The following LHFPL2 variants were observed in gnomAD, a reference collection of about 807,000 sequenced individuals.
The protein encoded by LHFPL2 is LHFPL tetraspan subfamily member 2 protein.
Under a neutral mutation model 17.5 loss-of-function variants are expected in LHFPL2, and 7 were observed. The observed-to-expected ratio is 0.40, with a 90% confidence interval of 0.23 to 0.75. The LOEUF is 0.75. LHFPL2 is among the 30% of genes least tolerant of loss of function. The pLI, the probability that LHFPL2 is intolerant of heterozygous loss-of-function variation, is 0.37. For missense variants in LHFPL2, 241 were observed against 294.8 expected (o/e 0.82, Z 1.34); for synonymous variants, 134 against 116.2 (o/e 1.15, Z -0.99).
Position 78,488,844 on chromosome 5 carries a change from T to C in LHFPL2, c.*53A>G. 1.8e-5 allele frequency: 28 copies of C among 1,591,598 alleles called. No individual in the cohort carries two copies. The highest frequency in any genetic ancestry group is 2.4e-5 in the Non-Finnish European group (28 of 1,167,814). On this transcript the variant is annotated 3_prime_UTR_variant, in exon 5 of 5. Transcript: ENST00000380345. Reference sequence around the variant, plus strand: ...CCACTTGACTCAAATGATGAAACTGTGGACTGTTTCACAAGATTACTCAAG... The same window carrying C: ...CCACTTGACTCAAATGATGAAACTGCGGACTGTTTCACAAGATTACTCAAG...
At chr5:78,511,600 G>A (rs375622943) in intron 3 of LHFPL2, among the ~76,000 whole-genome samples, 2 of 152,310 alleles carry the variant, frequency 1.3e-5, no homozygotes. Context: ...TGGCATGTTG[G>A]GAGTGGGGTG....
At chr5:78,533,820 A>C (rs899250614) in intron 3 of LHFPL2, among the ~76,000 whole-genome samples, 3 of 152,212 alleles carry the variant, frequency 2.0e-5, no homozygotes, top group Non-Finnish European at 4.4e-5. Context: ...TTTAAACCTG[A>C]GGTCCACCAC....
chr5:78,547,131 G>A (rs190534007), intron 3 of LHFPL2, among the ~76,000 whole-genome samples: 25 of 152,180 alleles, frequency 1.6e-4, no homozygotes, highest in Middle Eastern at 3.4e-3. Flanking sequence ...TCAGAAGGGC[G>A]CTGATCTAAA....
At chr5:78,540,503 T>C (rs1324175986) in intron 3 of LHFPL2, among the ~76,000 whole-genome samples, 1 of 152,232 alleles carries the variant, frequency 6.6e-6, no homozygotes, top group Non-Finnish European at 1.5e-5. Context: ...GGAACCACCA[T>C]AGCCTCCCAT....
At chr5:78,528,462 A>G (rs762045899) in intron 3 of LHFPL2, among the ~76,000 whole-genome samples, 1 of 152,248 alleles carries the variant, frequency 6.6e-6, no homozygotes, top group Non-Finnish European at 1.5e-5. Flanking sequence ...ATACCTGATG[A>G]TCTGAGATAG....
At chr5:78,507,269 G>C (rs1297682940) in intron 4 of LHFPL2, among the ~76,000 whole-genome samples, 2 of 152,000 alleles carry the variant, frequency 1.3e-5, no homozygotes, top group Non-Finnish European at 2.9e-5. Context: ...GGTGGAGGTT[G>C]CAGTGAGCCA....
chr5:78,506,846 C>A (rs536073882), intron 4 of LHFPL2, among the ~76,000 whole-genome samples: 5 of 152,310 alleles, frequency 3.3e-5, no homozygotes, highest in Admixed American at 1.3e-4. Context: ...GAATCTCTGC[C>A]TTGTGCCAAT....
At chr5:78,638,127 G>A (rs1269973279) in intron 1 of LHFPL2, among the ~76,000 whole-genome samples, 1 of 152,194 alleles carries the variant, frequency 6.6e-6, no homozygotes, top group East Asian at 1.9e-4. Context: ...GGCCGAGGCA[G>A]GTGGATCACG....
At chr5:78,546,828 A>G (rs187121495) in intron 3 of LHFPL2, among the ~76,000 whole-genome samples, 182 of 152,332 alleles carry the variant, frequency 1.2e-3, no homozygotes, top group African/African-American at 4.1e-3. Flanking sequence ...TGATCGATGC[A>G]GATCCCAGAA....
chr5:78,585,260 G>T lies in LHFPL2; in HGVS notation c.-244-20389C>A, dbSNP rs1220909983. ...CTGACCTCGTGATCCGCCCGCCTCG[G>T]CCTCCCAAAGTGCTGGGATTACAGG... On this transcript the variant is annotated intron_variant, in intron 2 of 4. Coordinates refer to ENST00000380345, the MANE Select transcript of LHFPL2 (RefSeq NM_005779.3). 8.3e-5 allele frequency among the ~76,000 whole-genome samples: 8 copies of T among 96,694 alleles called. 3 individuals carry two copies. Among genetic ancestry groups the T allele is most frequent in the Non-Finnish European group, 1.9e-4 (8 of 42,004 alleles). The allele number at this position is 96,694 out of a possible 152,430, so 63.4% of individuals were successfully genotyped here.
At chr5:78,615,145 T>C (rs1225780175) in intron 2 of LHFPL2, among the ~76,000 whole-genome samples, 1 of 152,194 alleles carries the variant, frequency 6.6e-6, no homozygotes, top group Admixed American at 6.5e-5. Context: ...CTCTATTCCC[T>C]GACAGCCTTT....
chr5:78,635,017 A>G (rs1035119175), intron 1 of LHFPL2, among the ~76,000 whole-genome samples: 10 of 152,210 alleles, frequency 6.6e-5, no homozygotes, highest in African/African-American at 2.4e-4. Context: ...TGAGCCGTGG[A>G]GTGGGTCAGT....
chr5:78,530,038 T>C (rs1421436891), intron 3 of LHFPL2, among the ~76,000 whole-genome samples: 3 of 152,228 alleles, frequency 2.0e-5, no homozygotes, highest in Non-Finnish European at 4.4e-5. Context: ...AACAGAAGAT[T>C]GGGCAAATGC....
chr5:78,510,053 G>C lies in LHFPL2; in HGVS notation c.161C>G (p.Pro54Arg), dbSNP rs752866746. Residue 54 changes from proline to arginine, a missense_variant, in exon 4 of 5, where the codon CCG becomes CGG. Pro to Arg is a moderately radical substitution (Grantham distance 103). Transcript: ENST00000380345. ...VEPAGPGGGS[P>R]EPYHPTLGIY... is the part of the protein sequence containing the mutation. ...GCCCAGGGTGGGGTGGTAGGGCTCC[G>C]GGGAGCCCCCGCCCGGGCCCGCCGG... is the stretch of plus-strand genomic sequence containing the variant. 6 of 1,609,960 alleles carry C rather than the reference G, an allele frequency of 3.7e-6. No individual in the cohort carries two copies. In the African/African-American group the frequency reaches 8.0e-5, roughly 22 times the overall value.
intron 2 of LHFPL2, among the ~76,000 whole-genome samples, chr5:78,573,194 G>A (rs1405430031): frequency 2.0e-5 from 3 of 152,160 alleles, no homozygotes; most frequent in African/African-American, 4.8e-5. Context: ...CAAGATCCAT[G>A]AACAGAATTG....
chr5:78,508,967 G>A (rs1193923357), intron 4 of LHFPL2, among the ~76,000 whole-genome samples: 1 of 152,198 alleles, frequency 6.6e-6, no homozygotes, highest in African/African-American at 2.4e-5. Flanking sequence ...AACCTAGACA[G>A]ATTGTTACCC....
chr5:78,538,725 G>A (rs538919840), intron 3 of LHFPL2, among the ~76,000 whole-genome samples: 5 of 152,258 alleles, frequency 3.3e-5, no homozygotes, highest in East Asian at 1.9e-4. Flanking sequence ...ACACCTGCAC[G>A]GGCACAGTTT....
rs368707315 is a variant in LHFPL2, at chr5:78,509,859, C to T, written c.355G>A (p.Val119Ile). Reference sequence around the variant, plus strand: ...ATGCTCTGTACACACATGGTGAAGACGGACACCAAGGCCACCATGCAGAGA... The same window carrying T: ...ATGCTCTGTACACACATGGTGAAGATGGACACCAAGGCCACCATGCAGAGA... ...FILCMVALVS[V>I]FTMCVQSIMK... is the part of the protein sequence containing the mutation. Residue 119 changes from valine (V) to isoleucine (I), a missense_variant, in exon 4 of 5, where the codon GTC (valine) becomes ATC (isoleucine). By Grantham distance (29) the Val-to-Ile change is conservative. Coordinates refer to ENST00000380345, the MANE Select transcript of LHFPL2 (RefSeq NM_005779.3). 7.4e-6 allele frequency: 12 copies of T among 1,613,880 alleles called. No individual in the cohort carries two copies. In the South Asian group the frequency reaches 1.2e-4, roughly 16 times the overall value.
chr5:78,549,932 T>C (rs1019500028), intron 3 of LHFPL2, among the ~76,000 whole-genome samples: 2 of 152,220 alleles, frequency 1.3e-5, no homozygotes, highest in Admixed American at 1.3e-4. Flanking sequence ...ATCATCTTGA[T>C]CCTTGAAAAA....
Sources: gnomAD v4.1 joint callset for allele counts (sites outside exome capture counted in the v4.1 genomes callset) on GRCh38, gnomAD v4.1.1 for gene constraint, MANE v1.5 for transcripts, NCBI Gene and HGNC (gene_info 2026-07-23, HGNC 2026-07-21) for gene names.